Variants in ZNF704 observed in about 807,000 individuals in gnomAD.
ZNF704 encodes zinc finger protein 704.
ZNF704 carries 10 observed loss-of-function variants against 44.7 expected under a neutral mutation model. The ratio of observed to expected loss-of-function variants is 0.22; its 90% CI spans 0.14 to 0.38. The LOEUF (loss-of-function observed/expected upper bound fraction) is 0.38, where lower values mean the gene tolerates loss of function less well. Among genes scored for constraint, ZNF704 ranks in the 10% least tolerant of loss-of-function variants. The pLI is 1.00. For synonymous variants in ZNF704, 211 were observed against 207.6 expected (o/e 1.02, Z -0.14); for missense variants, 390 against 545.5 (o/e 0.71, Z 2.84).
chr8:80,751,912 T>C (rs1806950861), intron 2 of ZNF704, among the ~76,000 whole-genome samples: 1 of 152,122 alleles, frequency 6.6e-6, no homozygotes. Flanking sequence ...AGCTAATTTG[T>C]GTATTTTTTT....
Position 80,874,052 on chromosome 8 carries a change from C to A in ZNF704, c.-22+519G>T, listed in dbSNP as rs898129706. Among the ~76,000 whole-genome samples the A allele has an allele frequency of 4.8e-5, 7 of 146,838 alleles. No individual in the cohort carries two copies. The highest frequency in any genetic ancestry group is 1.7e-4 in the African/African-American group (7 of 40,886). The stretch of plus-strand genomic sequence containing the variant: ...TAGACGCCGCGCCTGCATGCCTGAG[C>A]GCGGGGTTGCGGGCCGCGGCGCGGG... On this transcript the variant is annotated intron_variant, in intron 1 of 8. Transcript: ENST00000327835. This position sits in a 1 kb window ranked among gnomAD's most constrained non-coding sequence, Gnocchi z 4.4.
chr8:80,872,978 G>T (rs150832577), intron 1 of ZNF704, among the ~76,000 whole-genome samples: 2 of 152,240 alleles, frequency 1.3e-5, no homozygotes, highest in South Asian at 2.1e-4. Flanking sequence ...GAAACCAAGG[G>T]CTTGGATTTT....
chr8:80,804,619 C>G (rs568023866), intron 2 of ZNF704, among the ~76,000 whole-genome samples: 123 of 152,040 alleles, frequency 8.1e-4, no homozygotes, highest in African/African-American at 2.9e-3. Flanking sequence ...TAAGTGGGAG[C>G]TGAAGGATGA....
chr8:80,704,171 G>A (rs895348363), intron 2 of ZNF704, among the ~76,000 whole-genome samples: 2 of 152,132 alleles, frequency 1.3e-5, no homozygotes, highest in African/African-American at 4.8e-5. Flanking sequence ...CAAATCCCCT[G>A]AAAATAATTC....
At chr8:80,669,315 T>C (rs1204858670) in intron 5 of ZNF704, among the ~76,000 whole-genome samples, 2 of 152,222 alleles carry the variant, frequency 1.3e-5, no homozygotes, top group South Asian at 2.1e-4. Flanking sequence ...TTTCCTTCCC[T>C]GAAGGCTTGA....
At chr8:80,820,498 G>T in intron 2 of ZNF704, among the ~76,000 whole-genome samples, 1 of 152,104 alleles carries the variant, frequency 6.6e-6, no homozygotes, top group East Asian at 1.9e-4. Context: ...AGATTATCAA[G>T]ATATAAACCA....
chr8:80,876,727 A>G (rs772376075), upstream of ZNF704, among the ~76,000 whole-genome samples: 37 of 152,198 alleles, frequency 2.4e-4, no homozygotes, highest in African/African-American at 7.2e-5. Flanking sequence ...AGCTTACAAG[A>G]GTGCCTGGGA....
At chr8:80,870,591 C>T (rs918971189) in intron 1 of ZNF704, among the ~76,000 whole-genome samples, 9 of 152,276 alleles carry the variant, frequency 5.9e-5, no homozygotes, top group African/African-American at 2.2e-4. Flanking sequence ...CTTCTCTTGG[C>T]TTATTGGACT....
At chr8:80,878,059 G>C (rs1330079617), upstream of ZNF704, among the ~76,000 whole-genome samples, 1 of 152,092 alleles carries the variant, frequency 6.6e-6, no homozygotes. Context: ...CGCGTGCTTT[G>C]GTCAAAGTTT....
chr8:80,795,678 A>G (rs545945838), intron 2 of ZNF704, among the ~76,000 whole-genome samples: 7 of 150,356 alleles, frequency 4.7e-5, no homozygotes, highest in African/African-American at 1.7e-4. Context: ...AGATCGTGCC[A>G]TTGCACTCCA....
At chr8:80,666,847 T>C (rs1818202755) in intron 5 of ZNF704, among the ~76,000 whole-genome samples, 2 of 151,470 alleles carry the variant, frequency 1.3e-5, no homozygotes, top group Admixed American at 6.6e-5. Context: ...TGGAGTTCAT[T>C]GTAGATTCTG....
At chr8:80,774,499 T>A (rs1459568870) in intron 2 of ZNF704, among the ~76,000 whole-genome samples, 1 of 152,096 alleles carries the variant, frequency 6.6e-6, no homozygotes, top group Non-Finnish European at 1.5e-5. Context: ...ACAGCTGAGG[T>A]GTGCAGCACT....
chr8:80,780,664 CACAG>C (rs1807507888), intron 2 of ZNF704, among the ~76,000 whole-genome samples: 1 of 152,012 alleles, frequency 6.6e-6, no homozygotes, highest in South Asian at 2.1e-4. Context: ...AAAAATAAGA[CACAG>C]AGAAGAGCAA....
intron 1 of ZNF704, chr8:80,873,441 G>A (rs982534893): frequency 2.6e-5 from 4 of 151,934 alleles, no homozygotes; most frequent in African/African-American, 9.7e-5. Context: ...TCTCTCCCCG[G>A]CGCCGCTGAC....
intron 2 of ZNF704, among the ~76,000 whole-genome samples, chr8:80,716,699 A>C (rs1028589468): frequency 5.3e-5 from 8 of 152,340 alleles, no homozygotes; most frequent in African/African-American, 1.7e-4. Flanking sequence ...TTCAAGCAAA[A>C]TAGTTCCATT....
At chr8:80,883,732 A>T in the ZNF704 span, among the ~76,000 whole-genome samples, 7 of 152,270 alleles carry the variant, frequency 4.6e-5, no homozygotes, top group African/African-American at 1.7e-4. Flanking sequence ...TTTTTTTCTC[A>T]TCTATCTACC....
At chr8:80,688,068 C>T (rs1018489899) in intron 3 of ZNF704, among the ~76,000 whole-genome samples, 1 of 151,976 alleles carries the variant, frequency 6.6e-6, no homozygotes, top group African/African-American at 2.4e-5. Flanking sequence ...ATTAGCCCGG[C>T]GTGGTGGCAT....
chr8:80,697,805 AG>A (rs1260597299), intron 2 of ZNF704, among the ~76,000 whole-genome samples: 4 of 152,198 alleles, frequency 2.6e-5, no homozygotes, highest in Admixed American at 2.6e-4. Context: ...GTGAGGGAGG[AG>A]AGCATTAGAT....
At chr8:80,736,076 AAACTCTTATAGT>A (rs1806660260) in intron 2 of ZNF704, among the ~76,000 whole-genome samples, 1 of 152,230 alleles carries the variant, frequency 6.6e-6, no homozygotes, top group Non-Finnish European at 1.5e-5. Flanking sequence ...GTCAAGTGGC[AAACTCTTATAGT>A]AAAGCTTGTT....
Sources: allele counts gnomAD v4.1 joint callset (sites outside exome capture counted in the v4.1 genomes callset), GRCh38; gene constraint gnomAD v4.1.1; non-coding constraint Gnocchi (gnomAD v3.1); transcripts MANE v1.5; gene names NCBI Gene and HGNC (gene_info 2026-07-23, HGNC 2026-07-21).